Variants in CDKN2B-AS1 observed in about 807,000 individuals in gnomAD.
CDKN2B-AS1 encodes the protein CDKN2B and CDKN2A antisense cis and trans regulatory RNA 1.
chr9:22,059,155 G>C (rs1260855867), intron 4 of CDKN2B-AS1: 4 of 152,154 alleles, frequency 2.6e-5, no homozygotes, highest in Admixed American at 6.6e-5. Context: ...CTTCCCAATA[G>C]TCACCCAAAG....
chr9:22,017,125 G>T (rs1279512317), intron 1 of CDKN2B-AS1, among the ~76,000 whole-genome samples: 1 of 152,046 alleles, frequency 6.6e-6, no homozygotes, highest in Non-Finnish European at 1.5e-5. Flanking sequence ...GTGGGAAATG[G>T]CATTTAAAAT....
chr9:22,053,171 T>C (rs926803930), intron 3 of CDKN2B-AS1, among the ~76,000 whole-genome samples: 4 of 152,190 alleles, frequency 2.6e-5, no homozygotes, highest in African/African-American at 9.7e-5. Context: ...AACAACCAGT[T>C]TGGATTATCA....
chr9:22,008,712 G>C, intron 1 of CDKN2B-AS1: 1 of 1,611,500 alleles, frequency 6.2e-7, no homozygotes, highest in Non-Finnish European at 8.5e-7. Context: ...ATCTACATCG[G>C]CGATCTAGGT....
intron 4 of CDKN2B-AS1, among the ~76,000 whole-genome samples, chr9:22,063,744 T>C (rs563559819): frequency 6.6e-6 from 1 of 152,174 alleles, no homozygotes. Flanking sequence ...GAAAGGCTAG[T>C]GGCCTGTGAG....
intron 1 of CDKN2B-AS1, among the ~76,000 whole-genome samples, chr9:22,013,673 G>A (rs531444057): frequency 1.2e-4 from 18 of 151,986 alleles, no homozygotes; most frequent in East Asian, 1.2e-3. Flanking sequence ...GGCTGGTCCC[G>A]AACTCCTGGG....
At chr9:22,062,358 G>C (rs1425707423) in intron 4 of CDKN2B-AS1, among the ~76,000 whole-genome samples, 1 of 152,198 alleles carries the variant, frequency 6.6e-6, no homozygotes, top group African/African-American at 2.4e-5. Context: ...AATCTTTACA[G>C]CATACAGGTC....
chr9:22,086,986 G>A (rs1243121275), intron 4 of CDKN2B-AS1, among the ~76,000 whole-genome samples: 2 of 152,192 alleles, frequency 1.3e-5, no homozygotes, highest in African/African-American at 2.4e-5. Flanking sequence ...GCCTACGCAG[G>A]GAAGTTTTCT....
intron 4 of CDKN2B-AS1, chr9:22,077,928 C>G (rs1016411057): frequency 2.0e-5 from 3 of 152,138 alleles, no homozygotes; most frequent in Non-Finnish European, 2.9e-5. Context: ...GATATCTTGA[C>G]CAATGATTCT....
chr9:22,106,154 C>T (rs1417542799), intron 4 of CDKN2B-AS1, among the ~76,000 whole-genome samples: 1 of 152,200 alleles, frequency 6.6e-6, no homozygotes, highest in East Asian at 1.9e-4. Flanking sequence ...ATGAACTCGG[C>T]TCACTGCAAC....
intron 4 of CDKN2B-AS1, among the ~76,000 whole-genome samples, chr9:22,086,336 A>T (rs971714017): frequency 6.6e-6 from 1 of 152,224 alleles, no homozygotes; most frequent in African/African-American, 2.4e-5. Context: ...CTTAAAAAGT[A>T]GCATAATTAA....
At chr9:22,113,561 G>C (rs191953885) in intron 4 of CDKN2B-AS1, 3 of 152,262 alleles carry the variant, frequency 2.0e-5, no homozygotes, top group Admixed American at 2.0e-4. Context: ...GCTGCAGCCT[G>C]GTTTCTTGCT....
chr9:22,016,526 C>T (rs1821767485), intron 1 of CDKN2B-AS1, among the ~76,000 whole-genome samples: 2 of 152,318 alleles, frequency 1.3e-5, no homozygotes, highest in South Asian at 2.1e-4. Context: ...CTGGAGGCAT[C>T]ATGCAACCTG....
chr9:22,034,801 A>T (rs1290206480), intron 1 of CDKN2B-AS1, among the ~76,000 whole-genome samples: 1 of 152,154 alleles, frequency 6.6e-6, no homozygotes, highest in Admixed American at 6.6e-5. Flanking sequence ...CAATACATGA[A>T]TGAAGGAGTA....
At chr9:22,097,627 C>T (rs1825328719) in intron 4 of CDKN2B-AS1, among the ~76,000 whole-genome samples, 1 of 152,156 alleles carries the variant, frequency 6.6e-6, no homozygotes, top group African/African-American at 2.4e-5. Flanking sequence ...TGTACCTGAG[C>T]CACAACCCTA....
At chr9:22,128,087 C>A (rs111685664) in exon 5 of CDKN2B-AS1, among the ~76,000 whole-genome samples, 2 of 152,030 alleles carry the variant, frequency 1.3e-5, no homozygotes, top group African/African-American at 2.4e-5. Flanking sequence ...TTTCTGATAC[C>A]TATGCATTAT....
intron 1 of CDKN2B-AS1, among the ~76,000 whole-genome samples, chr9:22,002,114 C>T (rs888777248): frequency 1.3e-5 from 2 of 152,046 alleles, no homozygotes; most frequent in Admixed American, 6.6e-5. Flanking sequence ...AAGCATTATT[C>T]TCCAAGTTTT....
chr9:22,049,467 C>T (rs1272440846), intron 3 of CDKN2B-AS1, among the ~76,000 whole-genome samples: 1 of 87,424 alleles, frequency 1.1e-5, no homozygotes, highest in African/African-American at 7.9e-5. Context: ...TTCTTTTGTC[C>T]TCTGCTTTTA....
chr9:22,124,423 C>T (rs1817987621), intron 4 of CDKN2B-AS1, among the ~76,000 whole-genome samples: 1 of 152,204 alleles, frequency 6.6e-6, no homozygotes, highest in African/African-American at 2.4e-5. Flanking sequence ...TTAGTTGGAA[C>T]TGAACTGAGG....
At chr9:22,045,520 T>A (rs1199788440) in intron 1 of CDKN2B-AS1, among the ~76,000 whole-genome samples, 1 of 152,098 alleles carries the variant, frequency 6.6e-6, no homozygotes, top group East Asian at 1.9e-4. Context: ...AATGTACAAA[T>A]AGTTTAGCTT....
Sources: allele counts gnomAD v4.1 joint callset (sites outside exome capture counted in the v4.1 genomes callset), GRCh38; gene constraint gnomAD v4.1.1; transcripts MANE v1.5; gene names NCBI Gene and HGNC (gene_info 2026-07-23, HGNC 2026-07-21).